LRRC1: variants seen among roughly 807,000 people sequenced by gnomAD.
The protein encoded by LRRC1 is leucine-rich repeat-containing protein 1.
LRRC1 carries 28 observed loss-of-function variants against 69.9 expected under a neutral mutation model. The ratio of observed to expected loss-of-function variants is 0.40; its 90% CI spans 0.30 to 0.55. LRRC1 has a LOEUF of 0.55. LRRC1 is among the 20% of genes least tolerant of loss of function. LRRC1 has a pLI of 0.47. For missense variants in LRRC1, 498 were observed against 609.0 expected (o/e 0.82, Z 1.92); for synonymous variants, 236 against 240.2 (o/e 0.98, Z 0.16).
chr6:53,910,052 G>C (rs1562071556), intron 10 of LRRC1, among the ~76,000 whole-genome samples: 6 of 152,134 alleles, frequency 3.9e-5, no homozygotes. Context: ...AAGTTGACCT[G>C]AGCAGAGGTT....
intron 1 of LRRC1, among the ~76,000 whole-genome samples, chr6:53,840,837 T>A (rs1244416888): frequency 6.6e-6 from 1 of 151,774 alleles, no homozygotes; most frequent in Non-Finnish European, 1.5e-5. Context: ...TTATTTTTTC[T>A]GCTCCCTGCA....
intron 4 of LRRC1, among the ~76,000 whole-genome samples, chr6:53,889,115 C>G (rs1197782563): frequency 6.6e-6 from 1 of 152,110 alleles, no homozygotes; most frequent in Non-Finnish European, 1.5e-5. Flanking sequence ...TGTTTAACAG[C>G]ATTAGTCATC....
intron 2 of LRRC1, among the ~76,000 whole-genome samples, chr6:53,873,823 A>C (rs1288538501): frequency 6.6e-6 from 1 of 152,070 alleles, no homozygotes; most frequent in African/African-American, 2.4e-5. Flanking sequence ...TCTTGTCTAG[A>C]TCTTACGAAA....
chr6:53,896,457 G>C (rs1472815287), intron 4 of LRRC1, 41 bp from the exon 5 acceptor site: 1 of 1,557,176 alleles, frequency 6.4e-7, no homozygotes, highest in African/African-American at 1.4e-5. Context: ...AGAATCTCAG[G>C]AATTTCTCTT....
intron 1 of LRRC1, among the ~76,000 whole-genome samples, chr6:53,829,974 A>T (rs1458653607): frequency 6.6e-6 from 1 of 152,214 alleles, no homozygotes; most frequent in Admixed American, 6.5e-5. Context: ...TCTTGAGGTG[A>T]TGTGCTGAAC....
At chr6:53,880,418 A>G (rs1283873210) in intron 3 of LRRC1, among the ~76,000 whole-genome samples, 2 of 152,186 alleles carry the variant, frequency 1.3e-5, no homozygotes, top group Admixed American at 6.5e-5. Context: ...AGATAAAGTC[A>G]GAGCTCCTCT....
intron 2 of LRRC1, among the ~76,000 whole-genome samples, chr6:53,857,991 A>G (rs900676546): frequency 3.9e-5 from 6 of 152,208 alleles, no homozygotes; most frequent in African/African-American, 1.2e-4. Flanking sequence ...TACATGTTTG[A>G]TCAGCGTCTG....
In LRRC1 at chr6:53,917,951, A is replaced by T. The variant is rs529205865; in HGVS notation, c.1107-1547A>T. ...TGCAACATTCTTTGGATAGAAAGAGAAAGAATTTTTGTATAAGCACAAGGT... is the reference window on the plus strand; with the variant it reads ...TGCAACATTCTTTGGATAGAAAGAGTAAGAATTTTTGTATAAGCACAAGGT... On this transcript the variant is annotated intron_variant, in intron 11 of 13. Transcript: ENST00000370888. Among the ~76,000 whole-genome samples the T allele has an allele frequency of 3.9e-5, 6 of 152,324 alleles. No homozygotes were observed. In the East Asian group the frequency reaches 1.2e-3, roughly 29 times the overall value.
intron 1 of LRRC1, among the ~76,000 whole-genome samples, chr6:53,800,715 C>T (rs941062059): frequency 1.3e-5 from 2 of 151,840 alleles, no homozygotes; most frequent in Admixed American, 6.6e-5. Flanking sequence ...TCTTGGCTCA[C>T]TGCAACCTCT....
chr6:53,872,673 A>C (rs747639798), intron 2 of LRRC1, among the ~76,000 whole-genome samples: 1 of 151,308 alleles, frequency 6.6e-6, no homozygotes, highest in African/African-American at 2.4e-5. Flanking sequence ...GAAGAATATC[A>C]GTGGTATTTT....
chr6:53,829,066 G>T (rs957391874), intron 1 of LRRC1, among the ~76,000 whole-genome samples: 7 of 152,170 alleles, frequency 4.6e-5, no homozygotes, highest in African/African-American at 1.7e-4. Flanking sequence ...ACTTGTATGA[G>T]GTCACACAAA....
chr6:53,821,897 C>A (rs1250581930), intron 1 of LRRC1, among the ~76,000 whole-genome samples: 1 of 127,072 alleles, frequency 7.9e-6, no homozygotes, highest in Admixed American at 7.8e-5. Flanking sequence ...TTTTTTTTTC[C>A]TTTTCTGTTT....
chr6:53,872,579 G>C (rs1766924732), intron 2 of LRRC1, among the ~76,000 whole-genome samples: 1 of 151,664 alleles, frequency 6.6e-6, no homozygotes, highest in African/African-American at 2.4e-5. Context: ...TTCCAGCTTT[G>C]TTCTTTTTCT....
Position 53,884,723 on chromosome 6 carries a change from A to G in LRRC1, c.446+1747A>G, listed in dbSNP as rs540226702. 1.3e-4 allele frequency among the ~76,000 whole-genome samples: 20 copies of G among 152,248 alleles called. No individual in the cohort carries two copies. The East Asian group carries it at 3.7e-3, about 28-fold the overall frequency. Reference sequence around the variant, plus strand: ...TTTTTCCCATTTTGTGTCTTTTTAAAAAGTCTTAATGCTTTGAGATAAAAT... The same window carrying G: ...TTTTTCCCATTTTGTGTCTTTTTAAGAAGTCTTAATGCTTTGAGATAAAAT... On this transcript the variant is annotated intron_variant, in intron 4 of 13. Coordinates refer to ENST00000370888, the MANE Select transcript of LRRC1 (RefSeq NM_018214.5).
chr6:53,821,879 G>GTT (rs34507757), intron 1 of LRRC1, among the ~76,000 whole-genome samples: 7 of 143,422 alleles, frequency 4.9e-5, no homozygotes, highest in African/African-American at 1.6e-4. Flanking sequence ...AGTAATGCTA[G>GTT]TTTTTTTTTT....
Position 53,795,409 on chromosome 6 carries a change from G to T in LRRC1, c.153G>T (p.Leu51=). 1 of 1,611,396 alleles carries T rather than the reference G, an allele frequency of 6.2e-7. No homozygotes were observed. The highest frequency in any genetic ancestry group is 8.5e-7 in the Non-Finnish European group (1 of 1,179,638). Residue 51 remains leucine, a synonymous_variant, in exon 1 of 14, where the codon CTG becomes CTT. Coordinates refer to ENST00000370888, the MANE Select transcript of LRRC1 (RefSeq NM_018214.5). The part of the protein sequence containing the change: ...LLLDANQLRE[L]PEQFFQLVKL... ...TGGACGCCAACCAGCTCCGCGAGCT[G>T]CCCGAGGTAAGGGTCCGGCCTCACC... is the stretch of plus-strand genomic sequence containing the variant.
At chr6:53,885,184 G>C (rs1767433207) in intron 4 of LRRC1, among the ~76,000 whole-genome samples, 1 of 152,178 alleles carries the variant, frequency 6.6e-6, no homozygotes, top group African/African-American at 2.4e-5. Context: ...GGAGAAGATT[G>C]GGCATACCTG....
At chr6:53,839,047 C>G (rs1765690193) in intron 1 of LRRC1, among the ~76,000 whole-genome samples, 1 of 151,860 alleles carries the variant, frequency 6.6e-6, no homozygotes, top group African/African-American at 2.4e-5. Flanking sequence ...AAATCTTTTT[C>G]AAGTTCTGTG....
intron 2 of LRRC1, among the ~76,000 whole-genome samples, chr6:53,866,187 C>T (rs10948784): frequency 0.36 from 54,472 of 151,952 alleles, 10,457 homozygotes; most frequent in East Asian, 0.64. Flanking sequence ...GGGAAGGTTG[C>T]CTTCCTCTCC....
Sources: allele counts gnomAD v4.1 joint callset (sites outside exome capture counted in the v4.1 genomes callset), GRCh38; gene constraint gnomAD v4.1.1; transcripts MANE v1.5; gene names NCBI Gene and HGNC (gene_info 2026-07-23, HGNC 2026-07-21).